The following TRIO variants were observed in gnomAD, a reference collection of about 807,000 sequenced individuals.
TRIO encodes the protein trio Rho guanine nucleotide exchange factor.
TRIO carries 58 observed loss-of-function variants against 351.9 expected under a neutral mutation model. The ratio of observed to expected loss-of-function variants is 0.16; its 90% CI spans 0.13 to 0.21. The LOEUF is 0.21. TRIO is among the 10% of genes least tolerant of loss of function. TRIO has a pLI of 1.00. For missense variants in TRIO, 3,201 were observed against 4,027.8 expected (o/e 0.79, Z 5.56); for synonymous variants, 1,758 against 1,595.7 (o/e 1.10, Z -2.42).
Position 14,487,759 on chromosome 5 carries a change from TC to T in TRIO, c.7136del (p.Pro2379LeufsTer34). On this transcript the variant is annotated frameshift_variant, in exon 48 of 57. Transcript: ENST00000344204. LOFTEE classifies it high-confidence loss of function. ...CGTCCACCCCCGGGCCCTCCCTGCCTCCCCCTGGCGCGGCCCCCGAGGCCGG... is the reference window on the plus strand; with the variant it reads ...CGTCCACCCCCGGGCCCTCCCTGCCTCCCCTGGCGCGGCCCCCGAGGCCGG... ...GTSTPGPSLP[P>X]PGAAPEAGPS... 7.3e-6 allele frequency: 10 copies of T among 1,375,930 alleles called. No homozygotes were observed. Among genetic ancestry groups the T allele is most frequent in the East Asian group, 6.6e-5 (2 of 30,442 alleles). The allele number at this position is 1,375,930 out of a possible 1,614,324, so 85.2% of individuals were successfully genotyped here.
intron 3 of TRIO, among the ~76,000 whole-genome samples, chr5:14,283,088 T>C (rs1736143452): frequency 6.6e-6 from 1 of 152,198 alleles, no homozygotes; most frequent in Non-Finnish European, 1.5e-5. Context: ...AATTATGTGA[T>C]ACAGATTTCA....
intron 10 of TRIO, among the ~76,000 whole-genome samples, chr5:14,333,001 A>G (rs1741047133): frequency 6.6e-6 from 1 of 152,186 alleles, no homozygotes; most frequent in Non-Finnish European, 1.5e-5. Context: ...CCCTTCCTGC[A>G]GTCTTCAGCT....
At position 14,504,541 on chromosome 5, in the gene TRIO, G is replaced by A. The variant is rs778314493; in HGVS notation, c.8560G>A (p.Gly2854Ser). 1.9e-5 allele frequency: 31 copies of A among 1,613,942 alleles called. No individual in the cohort carries two copies. The highest frequency in any genetic ancestry group is 1.1e-4 in the East Asian group (5 of 44,872). ...GAGCCTCCAGCACCCCCTGCTTGTC[G>A]GCCTCCTCGACACCTTTGAGACCCC... ...LQSLQHPLLV[G>S]LLDTFETPTS... Residue 2854 changes from glycine to serine, a missense_variant, in exon 55 of 57, where the codon GGC becomes AGC. Physicochemically the swap from Gly to Ser is moderately conservative, Grantham distance 56 (BLOSUM62 0). Transcript: ENST00000344204.
chr5:14,354,310 A>G (rs1474721510), intron 11 of TRIO, among the ~76,000 whole-genome samples: 1 of 152,204 alleles, frequency 6.6e-6, no homozygotes. Context: ...GCTTTTTTTA[A>G]AAAAGCGTTT....
intron 12 of TRIO, among the ~76,000 whole-genome samples, chr5:14,358,922 C>T (rs1423067222): frequency 2.0e-5 from 3 of 152,178 alleles, no homozygotes; most frequent in Non-Finnish European, 4.4e-5. Flanking sequence ...GATAACTTTA[C>T]GTGACGTTCA....
intron 1 of TRIO, among the ~76,000 whole-genome samples, chr5:14,158,348 C>T (rs998048291): frequency 1.3e-5 from 2 of 151,780 alleles, no homozygotes; most frequent in African/African-American, 4.8e-5. Flanking sequence ...GCGCTTGAAC[C>T]CGGGAGGCAG....
intron 1 of TRIO, 98 bp downstream of exon 1, chr5:14,143,980 C>A: frequency 1.1e-6 from 1 of 905,204 alleles, no homozygotes; most frequent in Non-Finnish European, 1.3e-6. Flanking sequence ...CGCGCTGGTG[C>A]CCGCCCGTCC....
intron 54 of TRIO, among the ~76,000 whole-genome samples, chr5:14,503,994 C>G (rs1757476900): frequency 1.3e-5 from 2 of 152,362 alleles, no homozygotes; most frequent in Admixed American, 6.5e-5. Flanking sequence ...AGCAGACGCA[C>G]CTTTCAAACG....
chr5:14,394,260 T>C, intron 28 of TRIO, 130 bp downstream of exon 28: 1 of 588,578 alleles, frequency 1.7e-6, no homozygotes, highest in South Asian at 2.7e-5. Context: ...TTTTAATTCA[T>C]TAGTATTTAT....
At chr5:14,222,815 G>C (rs538931979) in intron 1 of TRIO, among the ~76,000 whole-genome samples, 35 of 152,310 alleles carry the variant, frequency 2.3e-4, no homozygotes, top group African/African-American at 8.2e-4. Flanking sequence ...GATCAGACTT[G>C]GTGACTTCTA....
At chr5:14,357,072 A>G (rs1743677807) in intron 11 of TRIO, among the ~76,000 whole-genome samples, 1 of 152,228 alleles carries the variant, frequency 6.6e-6, no homozygotes, top group Non-Finnish European at 1.5e-5. Flanking sequence ...ACATTTGTGC[A>G]GCTTATAGTA....
Position 14,461,273 on chromosome 5 carries a change from G to A in TRIO, c.5458G>A (p.Asp1820Asn). The change falls in exon 35 of 57, where the codon GAC becomes AAC. Residue 1820 changes from aspartate to asparagine, a missense_variant. Physicochemically the swap from Asp to Asn is conservative, Grantham distance 23. Coordinates refer to ENST00000344204, the MANE Select transcript of TRIO (RefSeq NM_007118.4). ...CGCCGGCTCGCAGAAGGACTCCGACGACAGTGCGGCCACCCCGCAGGACGA... is the reference window on the plus strand; with the variant it reads ...CGCCGGCTCGCAGAAGGACTCCGACAACAGTGCGGCCACCCCGCAGGACGA... The part of the protein sequence containing the change: ...ADAGSQKDSD[D>N]SAATPQDETV... 6.3e-7 allele frequency: 1 copy of A among 1,596,582 alleles called. No homozygotes were observed. Among genetic ancestry groups the A allele is most frequent in the Non-Finnish European group, 8.5e-7 (1 of 1,172,936 alleles).
At chr5:14,391,754 G>C (rs1285679458) in intron 27 of TRIO, among the ~76,000 whole-genome samples, 1 of 152,242 alleles carries the variant, frequency 6.6e-6, no homozygotes, top group African/African-American at 2.4e-5. Context: ...TTACACTTGT[G>C]CATGGACTGG....
chr5:14,388,631 C>T lies in TRIO; in HGVS notation c.3900C>T (p.Leu1300=), dbSNP rs2152362577. 1 of 1,610,296 alleles carries T rather than the reference C, an allele frequency of 6.2e-7. No homozygotes were observed. The highest frequency in any genetic ancestry group is 8.5e-7 in the Non-Finnish European group (1 of 1,178,320). The change falls in exon 24 of 57, where the codon CTC becomes CTT. Residue 1300 remains leucine (L), a synonymous_variant. Coordinates refer to ENST00000344204, the MANE Select transcript of TRIO (RefSeq NM_007118.4). ...CTTTAAGGTTCATAATGGCTGAGCTCATTCAAACTGAAAAGGCTTATGTAA... is the reference window on the plus strand; with the variant it reads ...CTTTAAGGTTCATAATGGCTGAGCTTATTCAAACTGAAAAGGCTTATGTAA... ...ARRKEFIMAE[L]IQTEKAYVRD...
At chr5:14,156,837 G>A (rs1788128364) in intron 1 of TRIO, among the ~76,000 whole-genome samples, 5 of 152,152 alleles carry the variant, frequency 3.3e-5, no homozygotes, top group Admixed American at 3.3e-4. Context: ...CAGTTCCCCA[G>A]GGGCATGTTT....
chr5:14,182,875 C>T (rs962893947), intron 1 of TRIO, among the ~76,000 whole-genome samples: 4 of 148,088 alleles, frequency 2.7e-5, no homozygotes, highest in East Asian at 2.1e-4. Flanking sequence ...CCCCCCCCTC[C>T]ACTTTGCCGT....
At chr5:14,492,356 G>A in intron 48 of TRIO, 2 of 638,824 alleles carry the variant, frequency 3.1e-6, no homozygotes, top group Non-Finnish European at 2.6e-6. Flanking sequence ...TCCCTAAATT[G>A]CTTTCTAGAG....
intron 1 of TRIO, among the ~76,000 whole-genome samples, chr5:14,221,851 A>G (rs905279660): frequency 2.0e-5 from 3 of 152,250 alleles, no homozygotes; most frequent in African/African-American, 7.2e-5. Context: ...CTTAGTTGAT[A>G]AAGCAGCAGC....
chr5:14,233,042 A>G (rs1395618281), intron 1 of TRIO, among the ~76,000 whole-genome samples: 1 of 152,058 alleles, frequency 6.6e-6, no homozygotes, highest in Non-Finnish European at 1.5e-5. Context: ...AGGGTGTGTG[A>G]GTGATTGTGC....
Sources: gnomAD v4.1 joint callset for allele counts (sites outside exome capture counted in the v4.1 genomes callset) on GRCh38, gnomAD v4.1.1 for gene constraint, MANE v1.5 for transcripts, NCBI Gene and HGNC (gene_info 2026-07-23, HGNC 2026-07-21) for gene names.